Variants in ANO10 observed in about 807,000 individuals in gnomAD.
The protein encoded by ANO10 is anoctamin-10.
Under a neutral mutation model 74.7 loss-of-function variants are expected in ANO10, and 77 were observed. The ratio of observed to expected loss-of-function variants is 1.03; its 90% confidence interval spans 0.86 to 1.25. The LOEUF (loss-of-function observed/expected upper bound fraction) is 1.25, where lower values mean the gene tolerates loss of function less well. ANO10 is among the 50% of genes most tolerant of loss of function. The pLI, the probability that ANO10 is intolerant of heterozygous loss-of-function variation, is 0.00. For missense variants in ANO10, 721 were observed against 778.1 expected (o/e 0.93, Z 0.87); for synonymous variants, 279 against 284.9 (o/e 0.98, Z 0.21).
chr3:43,532,047 G>A (rs1432751503), intron 11 of ANO10, among the ~76,000 whole-genome samples: 1 of 152,228 alleles, frequency 6.6e-6, no homozygotes, highest in Non-Finnish European at 1.5e-5. Context: ...TCATCTGCCA[G>A]CCCTATGTAT....
intron 4 of ANO10, among the ~76,000 whole-genome samples, chr3:43,587,621 G>C (rs185844174): frequency 1.3e-5 from 2 of 152,174 alleles, no homozygotes; most frequent in African/African-American, 4.8e-5. Flanking sequence ...AATGCAAAGG[G>C]AAGTGTCTAG....
At chr3:43,465,609 C>T (rs375828126) in intron 11 of ANO10, among the ~76,000 whole-genome samples, 1 of 152,120 alleles carries the variant, frequency 6.6e-6, no homozygotes, top group African/African-American at 2.4e-5. Context: ...GCTGAGATCA[C>T]ACCACTGCAC....
At chr3:43,532,881 T>G (rs1206956973) in intron 11 of ANO10, among the ~76,000 whole-genome samples, 1 of 152,218 alleles carries the variant, frequency 6.6e-6, no homozygotes, top group Non-Finnish European at 1.5e-5. Flanking sequence ...GGGGAATTCA[T>G]GTAAAGCACA....
At chr3:43,643,347 G>A (rs554580506) in intron 1 of ANO10, among the ~76,000 whole-genome samples, 1 of 151,746 alleles carries the variant, frequency 6.6e-6, no homozygotes, top group South Asian at 2.1e-4. Context: ...GTATTTTCAA[G>A]GTAGATTCCT....
At chr3:43,665,445 C>T (rs2083978922) in intron 1 of ANO10, among the ~76,000 whole-genome samples, 1 of 152,046 alleles carries the variant, frequency 6.6e-6, no homozygotes, top group South Asian at 2.1e-4. Flanking sequence ...ATGGGTGCAG[C>T]AAACCACCAT....
chr3:43,382,485 C>G (rs1052449408), intron 12 of ANO10, among the ~76,000 whole-genome samples: 1 of 149,512 alleles, frequency 6.7e-6, no homozygotes, highest in Non-Finnish European at 1.5e-5. Flanking sequence ...CGCCACTGCA[C>G]TCCAGCCTGG....
At chr3:43,673,285 T>C (rs1031823988) in intron 1 of ANO10, among the ~76,000 whole-genome samples, 1 of 152,228 alleles carries the variant, frequency 6.6e-6, no homozygotes, top group Non-Finnish European at 1.5e-5. Flanking sequence ...TTGGTGTTTG[T>C]TTTCTGCCAC....
intron 1 of ANO10, among the ~76,000 whole-genome samples, chr3:43,651,543 A>G (rs1490182161): frequency 6.6e-6 from 1 of 152,196 alleles, no homozygotes; most frequent in Non-Finnish European, 1.5e-5. Context: ...CAGAGATGCC[A>G]TGGGGGTTAG....
intron 6 of ANO10, among the ~76,000 whole-genome samples, chr3:43,575,147 C>T (rs1283740626): frequency 1.3e-5 from 2 of 151,992 alleles, no homozygotes; most frequent in African/African-American, 4.8e-5. Flanking sequence ...CAGACAGCCA[C>T]CCAAAGACCC....
chr3:43,689,299 AC>A (rs1447752052), intron 1 of ANO10: 1 of 152,148 alleles, frequency 6.6e-6, no homozygotes, highest in African/African-American at 2.4e-5. Flanking sequence ...GGGTAACAGC[AC>A]AGAGATTTAC....
intron 11 of ANO10, among the ~76,000 whole-genome samples, chr3:43,478,656 AT>A (rs1051185518): frequency 6.6e-6 from 1 of 152,192 alleles, no homozygotes; most frequent in African/African-American, 2.4e-5. Context: ...CAAGTAATTA[AT>A]TTACATTAAT....
chr3:43,648,382 T>C (rs971957070), intron 1 of ANO10, among the ~76,000 whole-genome samples: 3 of 152,042 alleles, frequency 2.0e-5, no homozygotes, highest in Non-Finnish European at 2.9e-5. Flanking sequence ...GGCGAGTCCA[T>C]AGAGTAAAGT....
At chr3:43,510,044 T>C (rs539757946) in intron 11 of ANO10, among the ~76,000 whole-genome samples, 41 of 152,100 alleles carry the variant, frequency 2.7e-4, no homozygotes, top group Non-Finnish European at 5.3e-4. Context: ...GGGTAAGGAA[T>C]TGGGGTGGGT....
chr3:43,417,485 C>G (rs1310540802), intron 12 of ANO10, among the ~76,000 whole-genome samples: 1 of 152,172 alleles, frequency 6.6e-6, no homozygotes, highest in Non-Finnish European at 1.5e-5. Flanking sequence ...CTACCGGTTG[C>G]TCTTTTCCTC....
At chr3:43,555,155 C>T (rs143103012) in intron 10 of ANO10, 123 bp downstream of exon 10, 6 of 999,310 alleles carry the variant, frequency 6.0e-6, no homozygotes, top group Non-Finnish European at 9.2e-6. Flanking sequence ...TAGTTTGTAG[C>T]CAAACAAACA....
intron 12 of ANO10, among the ~76,000 whole-genome samples, chr3:43,374,321 A>G (rs2091723537): frequency 6.6e-6 from 1 of 152,222 alleles, no homozygotes; most frequent in Admixed American, 6.5e-5. Context: ...CAACACTTAC[A>G]TCACATTGCA....
rs918708966 is a variant in ANO10 at position 43,366,085 on chromosome 3, G to A, written c.*821C>T. 2 of 152,666 alleles carry A rather than the reference G, an allele frequency of 1.3e-5. No individual in the cohort carries two copies. The highest frequency in any genetic ancestry group is 2.4e-5 in the African/African-American group (1 of 41,472). The allele number at this position is 152,666 out of a possible 1,614,324, so 9.5% of individuals were successfully genotyped here. A position where few individuals can be genotyped will look rare whatever the true frequency, so the allele number is the denominator to read the frequency against. Reference sequence around the variant, plus strand: ...AGCCCAAGCCCAGGCCAGGGCACCAGGAGTGGCTGCTGGCCCTTGGCTTGG... The same window carrying A: ...AGCCCAAGCCCAGGCCAGGGCACCAAGAGTGGCTGCTGGCCCTTGGCTTGG... On this transcript the variant is annotated 3_prime_UTR_variant, in exon 13 of 13. Transcript: ENST00000292246.
chr3:43,366,728 A>T lies in ANO10; in HGVS notation c.*178T>A, dbSNP rs2091422694. The T allele has an allele frequency of 2.9e-6, 2 of 681,344 alleles. No individual in the cohort carries two copies. Among genetic ancestry groups the T allele is most frequent in the East Asian group, 2.7e-5 (1 of 36,800 alleles). 42.2% of individuals were successfully genotyped at this position (681,344 alleles called of 1,614,324 possible). ...GCTGGGGGAACTGCCAAGGATCCCG[A>T]GCCAAGCCACTGCGAAACTGAGAAG... On this transcript the variant is annotated 3_prime_UTR_variant, in exon 13 of 13. Transcript: ENST00000292246.
At chr3:43,671,666 A>C (rs2084060957) in intron 1 of ANO10, among the ~76,000 whole-genome samples, 1 of 152,214 alleles carries the variant, frequency 6.6e-6, no homozygotes, top group Non-Finnish European at 1.5e-5. Flanking sequence ...AAACCTTTCC[A>C]CCAAGAAAAG....
Sources: allele counts gnomAD v4.1 joint callset (sites outside exome capture counted in the v4.1 genomes callset), GRCh38; gene constraint gnomAD v4.1.1; transcripts MANE v1.5; gene names NCBI Gene and HGNC (gene_info 2026-07-23, HGNC 2026-07-21).